CNGB3: variants seen among roughly 807,000 people sequenced by gnomAD.
The protein encoded by CNGB3 is cyclic nucleotide gated channel subunit beta 3.
In CNGB3, 86 loss-of-function variants were observed where a neutral mutation model predicts 92.8. The observed-to-expected ratio is 0.93, with a 90% CI of 0.78 to 1.11. CNGB3 has a LOEUF of 1.11. Ranked by LOEUF, CNGB3 falls within the 50% of genes least tolerant of loss-of-function variation. The probability of loss-of-function intolerance (pLI) is 0.00; values close to 1 mark genes in which losing one functional copy is unlikely to be tolerated. For missense variants in CNGB3, 1,026 were observed against 956.8 expected, an observed-to-expected ratio of 1.07 and a Z score of -0.95; for synonymous variants, 333 against 332.7, an observed-to-expected ratio of 1.00 and a Z score of -0.01.
chr8:86,592,300 T>A (rs1822063308), intron 15 of CNGB3, among the ~76,000 whole-genome samples: 1 of 152,246 alleles, frequency 6.6e-6, no homozygotes, highest in South Asian at 2.1e-4. Context: ...TCACCCGTCT[T>A]CTGCGTCGCT....
chr8:86,725,704 G>T (rs1179668844), intron 3 of CNGB3, among the ~76,000 whole-genome samples: 1 of 152,172 alleles, frequency 6.6e-6, no homozygotes, highest in Non-Finnish European at 1.5e-5. Context: ...ACAGCAGATG[G>T]TTTAACACAG....
At chr8:86,743,387 A>T (rs574139435) in intron 1 of CNGB3, 112 bp downstream of exon 1, 6 of 1,167,602 alleles carry the variant, frequency 5.1e-6, no homozygotes, top group Non-Finnish European at 7.7e-6. Context: ...CATGTACCAG[A>T]TGGTGCCAGG....
chr8:86,648,921 G>T lies in CNGB3; in HGVS notation c.904-1034C>A, dbSNP rs562613707. ...AGAAAACACAAAGACATCTCCAAAA[G>T]ACTTCTAGATTTGATAAACAAATTC... On this transcript the variant is annotated intron_variant, in intron 7 of 17. Coordinates refer to ENST00000320005, the MANE Select transcript of CNGB3 (RefSeq NM_019098.5). 2.0e-5 allele frequency among the ~76,000 whole-genome samples: 3 copies of T among 151,442 alleles called. No individual in the cohort carries two copies. The East Asian group carries it at 5.8e-4, about 29-fold the overall frequency.
chr8:86,668,080 C>T lies in CNGB3; in HGVS notation c.582G>A (p.Lys194=). 1 of 1,613,436 alleles carries T rather than the reference C, an allele frequency of 6.2e-7. No homozygotes were observed. Among genetic ancestry groups the T allele is most frequent in the South Asian group, 1.1e-5 (1 of 91,044 alleles). ...GCTTTAAGTACTCTGTTAAAGGCAT[C>T]TTTTTGACTTTGAACCACAACAGCC... The part of the protein sequence containing the change: ...YYRLLWFKVK[K]MPLTEYLKRI... The change falls in exon 5 of 18, where the codon AAG becomes AAA. Residue 194 remains lysine (K), a synonymous_variant. Transcript: ENST00000320005.
chr8:86,627,660 T>C (rs1026822192), intron 12 of CNGB3, among the ~76,000 whole-genome samples: 1 of 152,218 alleles, frequency 6.6e-6, no homozygotes, highest in Non-Finnish European at 1.5e-5. Context: ...TTCGACTTAT[T>C]TTATATCCCT....
intron 1 of CNGB3, among the ~76,000 whole-genome samples, chr8:86,742,455 A>G (rs1174716292): frequency 6.6e-6 from 1 of 152,194 alleles, no homozygotes; most frequent in East Asian, 1.9e-4. Flanking sequence ...AAAGGAAGGC[A>G]GATTTTCCAC....
chr8:86,622,143 G>A (rs891785825), intron 13 of CNGB3, among the ~76,000 whole-genome samples: 7 of 152,164 alleles, frequency 4.6e-5, no homozygotes, highest in Admixed American at 6.5e-5. Context: ...TGGGTATTCC[G>A]TGGTATATTG....
intron 3 of CNGB3, among the ~76,000 whole-genome samples, chr8:86,717,107 TA>T (rs1322015358): frequency 2.6e-5 from 4 of 152,000 alleles, no homozygotes; most frequent in Non-Finnish European, 5.9e-5. Flanking sequence ...CAACAGCAGT[TA>T]AAAAAGACAA....
chr8:86,670,316 A>C (rs1823829588), intron 4 of CNGB3, among the ~76,000 whole-genome samples: 1 of 151,812 alleles, frequency 6.6e-6, no homozygotes, highest in African/African-American at 2.4e-5. Flanking sequence ...AAATATTTAC[A>C]ATAAAATTTG....
chr8:86,719,025 G>A (rs1824915706), intron 3 of CNGB3, among the ~76,000 whole-genome samples: 1 of 151,746 alleles, frequency 6.6e-6, no homozygotes, highest in Non-Finnish European at 1.5e-5. Context: ...ATACCTTAAG[G>A]TAATAAAAGC....
intron 6 of CNGB3, chr8:86,659,045 C>T: frequency 1.0e-6 from 1 of 958,328 alleles, no homozygotes. Context: ...ATAGCTGCTG[C>T]TCCACCTCAG....
At chr8:86,713,418 T>A (rs970044292) in intron 3 of CNGB3, among the ~76,000 whole-genome samples, 2 of 152,164 alleles carry the variant, frequency 1.3e-5, no homozygotes, top group African/African-American at 4.8e-5. Flanking sequence ...TCCTAGGAGA[T>A]TTTACAGTGC....
chr8:86,658,849 TG>T, intron 6 of CNGB3: 2 of 642,042 alleles, frequency 3.1e-6, no homozygotes, highest in Non-Finnish European at 5.6e-6. Flanking sequence ...TCATTCTGCA[TG>T]GTCTCCAGGG....
chr8:86,725,624 C>T (rs1258900906), intron 3 of CNGB3, among the ~76,000 whole-genome samples: 1 of 152,174 alleles, frequency 6.6e-6, no homozygotes, highest in East Asian at 1.9e-4. Flanking sequence ...AAAAGGCATT[C>T]TCTGTTTCTG....
chr8:86,717,051 A>AGCGAGCAGC (rs1185617473), intron 3 of CNGB3, among the ~76,000 whole-genome samples: 25 of 152,228 alleles, frequency 1.6e-4, no homozygotes, highest in African/African-American at 5.3e-4. Flanking sequence ...GGACACCAAA[A>AGCGAGCAGC]GCGAGCAGGA....
intron 11 of CNGB3, among the ~76,000 whole-genome samples, chr8:86,629,923 T>C (rs1822928305): frequency 6.6e-6 from 1 of 152,190 alleles, no homozygotes; most frequent in African/African-American, 2.4e-5. Flanking sequence ...GGGTTTATAC[T>C]AGGGAGGAAA....
At chr8:86,659,080 G>A in intron 6 of CNGB3, 1 of 806,590 alleles carries the variant, frequency 1.2e-6, no homozygotes, top group Non-Finnish European at 2.1e-6. Context: ...GGCTCCAGGA[G>A]CAGGGGTTCA....
chr8:86,590,165 T>G (rs1446322515), intron 15 of CNGB3, among the ~76,000 whole-genome samples: 2 of 152,108 alleles, frequency 1.3e-5, no homozygotes, highest in Non-Finnish European at 2.9e-5. Flanking sequence ...TTGCAACCCC[T>G]GCCTTTTTTT....
At chr8:86,577,714 C>T (rs1821685581) in intron 17 of CNGB3, among the ~76,000 whole-genome samples, 1 of 152,076 alleles carries the variant, frequency 6.6e-6, no homozygotes, top group Non-Finnish European at 1.5e-5. Context: ...ACTGTAATGC[C>T]TGAATGAAGT....
Sources: allele counts gnomAD v4.1 joint callset (sites outside exome capture counted in the v4.1 genomes callset), GRCh38; gene constraint gnomAD v4.1.1; transcripts MANE v1.5; gene names NCBI Gene and HGNC (gene_info 2026-07-23, HGNC 2026-07-21).